FSD2: variants seen among roughly 807,000 people sequenced by gnomAD.
FSD2 encodes fibronectin type III and SPRY domain containing 2.
In FSD2, 71 loss-of-function variants were observed where a neutral mutation model predicts 80.4. The observed-to-expected ratio is 0.88, with a 90% CI of 0.73 to 1.08. The LOEUF is 1.08. Ranked by LOEUF, FSD2 falls within the 50% of genes least tolerant of loss-of-function variation. FSD2 has a pLI of 0.00. For missense variants in FSD2, 923 were observed against 913.8 expected, an observed-to-expected ratio of 1.01 and a Z score of -0.13; for synonymous variants, 361 against 329.5, an observed-to-expected ratio of 1.10 and a Z score of -1.03.
At chr15:82,786,478 T>G in intron 3 of FSD2, 33 bp downstream of exon 3, 5 of 1,477,714 alleles carry the variant, frequency 3.4e-6, no homozygotes, top group Non-Finnish European at 4.7e-6. Flanking sequence ...GGAAGAAATG[T>G]GAGTCTGATG....
Position 82,757,379 on chromosome 15 carries a change from G to GTC in FSD2, c.*1967_*1968dup, listed in dbSNP as rs2049197658. The GTC allele has an allele frequency of 7.7e-6, 1 of 129,162 alleles. No homozygotes were observed. Among genetic ancestry groups the GTC allele is most frequent in the Non-Finnish European group, 1.6e-5 (1 of 63,916 alleles). The allele number at this position is 129,162 out of a possible 1,614,324, so 8.0% of individuals were successfully genotyped here. A position where few individuals can be genotyped will look rare whatever the true frequency, so the allele number is the denominator to read the frequency against. ...TTTTTTTTTTTTTTTTTGAGATGGAGTCTTGATCTGTGAGCCATCTCGGCT... is the reference window on the plus strand; with the variant it reads ...TTTTTTTTTTTTTTTTTGAGATGGAGTCTCTTGATCTGTGAGCCATCTCGGCT... On this transcript the variant is annotated 3_prime_UTR_variant, in exon 13 of 13. Transcript: ENST00000334574.
intron 1 of FSD2, among the ~76,000 whole-genome samples, chr15:82,801,925 A>T (rs2050422862): frequency 1.3e-5 from 2 of 152,182 alleles, no homozygotes; most frequent in Non-Finnish European, 2.9e-5. Flanking sequence ...GAGAAGGATG[A>T]GTGGAGGTAG....
In FSD2 at chr15:82,755,978, A is replaced by G. The variant is rs761900571; in HGVS notation, c.*3370T>C. On this transcript the variant is annotated 3_prime_UTR_variant, in exon 13 of 13. Transcript: ENST00000334574. ...TAAGAAAATAGAGTCCTTGAAATCAAGCTGACTCTGCTTTTAGCCTCCTAA... is the reference window on the plus strand; with the variant it reads ...TAAGAAAATAGAGTCCTTGAAATCAGGCTGACTCTGCTTTTAGCCTCCTAA... The G allele has an allele frequency of 1.9e-6, 1 of 517,430 alleles. No homozygotes were observed. Among genetic ancestry groups the G allele is most frequent in the Admixed American group, 1.9e-5 (1 of 51,526 alleles). The allele number at this position is 517,430 out of a possible 1,614,324, so 32.1% of individuals were successfully genotyped here.
chr15:82,789,183 C>T (rs536729921), intron 1 of FSD2, among the ~76,000 whole-genome samples: 134 of 151,938 alleles, frequency 8.8e-4, no homozygotes, highest in African/African-American at 2.5e-3. Context: ...TAAGTAAACT[C>T]GGGGATGTAC....
intron 9 of FSD2, among the ~76,000 whole-genome samples, chr15:82,767,778 C>T (rs1446450879): frequency 1.3e-5 from 2 of 152,178 alleles, no homozygotes; most frequent in Non-Finnish European, 2.9e-5. Context: ...ACAGATTCCA[C>T]CTGGAACAGA....
intron 9 of FSD2, among the ~76,000 whole-genome samples, chr15:82,766,571 G>A (rs1302584157): frequency 2.0e-5 from 3 of 151,936 alleles, no homozygotes; most frequent in Non-Finnish European, 4.4e-5. Context: ...GTGAAACCCC[G>A]TCTCTACTAA....
intron 1 of FSD2, among the ~76,000 whole-genome samples, chr15:82,804,320 G>C (rs1235983995): frequency 6.6e-6 from 1 of 152,134 alleles, no homozygotes; most frequent in Non-Finnish European, 1.5e-5. Context: ...GTCCCTTGGA[G>C]AGCATCTAAT....
At chr15:82,766,748 A>G (rs1027337482) in intron 9 of FSD2, among the ~76,000 whole-genome samples, 14 of 152,194 alleles carry the variant, frequency 9.2e-5, no homozygotes, top group Non-Finnish European at 2.1e-4. Context: ...CAAAAAAAAA[A>G]AAAAAAAGGT....
At chr15:82,775,872 T>G (rs566118413) in intron 6 of FSD2, among the ~76,000 whole-genome samples, 1 of 152,348 alleles carries the variant, frequency 6.6e-6, no homozygotes, top group African/African-American at 2.4e-5. Context: ...AAAATTCCCT[T>G]TTGATTTCTT....
At chr15:82,795,374 G>A (rs897239230) in intron 1 of FSD2, among the ~76,000 whole-genome samples, 2 of 151,620 alleles carry the variant, frequency 1.3e-5, no homozygotes, top group African/African-American at 2.4e-5. Flanking sequence ...AATATAACAC[G>A]CCCCCAAAGA....
chr15:82,799,788 T>C (rs1175070082), intron 1 of FSD2, among the ~76,000 whole-genome samples: 2 of 152,156 alleles, frequency 1.3e-5, no homozygotes, highest in East Asian at 1.9e-4. Flanking sequence ...TGGTTAAACG[T>C]AGAGTCAGAA....
intron 3 of FSD2, among the ~76,000 whole-genome samples, chr15:82,784,542 C>T (rs1265187471): frequency 2.6e-5 from 4 of 152,168 alleles, no homozygotes; most frequent in East Asian, 1.9e-4. Context: ...CCACTGTGCC[C>T]GGCCAATGTA....
Position 82,786,701 on chromosome 15 carries a change from G to A in FSD2, c.639+51C>T. On this transcript the variant is annotated intron_variant, in intron 2 of 12. Transcript: ENST00000334574. ...AGATTTATTCCCTGCGTATGTACTT[G>A]AGATACCAAAGCAATATCAAGACAG... 10 of 1,608,096 alleles carry A rather than the reference G, an allele frequency of 6.2e-6. No homozygotes were observed. In the South Asian group the frequency reaches 1.1e-4, roughly 18 times the overall value.
chr15:82,767,861 C>A (rs2151492707), intron 9 of FSD2, among the ~76,000 whole-genome samples: 1 of 152,330 alleles, frequency 6.6e-6, no homozygotes, highest in Non-Finnish European at 1.5e-5. Flanking sequence ...TAACAATTGA[C>A]ACCAACACCT....
At chr15:82,793,899 C>A (rs1011258283) in intron 1 of FSD2, among the ~76,000 whole-genome samples, 4 of 151,918 alleles carry the variant, frequency 2.6e-5, no homozygotes, top group African/African-American at 9.7e-5. Context: ...CTTGGTCAAA[C>A]CTCTGACTAG....
At chr15:82,785,713 G>A (rs1260617683) in intron 3 of FSD2, among the ~76,000 whole-genome samples, 2 of 151,802 alleles carry the variant, frequency 1.3e-5, no homozygotes, top group Admixed American at 6.6e-5. Context: ...TTGCCTCTTA[G>A]AACAACAAAA....
At chr15:82,786,486 A>G (rs748231055) in intron 3 of FSD2, 25 bp downstream of exon 3, 6 of 1,539,670 alleles carry the variant, frequency 3.9e-6, no homozygotes, top group Non-Finnish European at 5.4e-6. Context: ...TGTGAGTCTG[A>G]TGAGGTCTTC....
intron 6 of FSD2, among the ~76,000 whole-genome samples, 179 bp from the exon 7 acceptor site, chr15:82,772,407 C>G (rs187354266): frequency 6.6e-6 from 1 of 152,188 alleles, no homozygotes; most frequent in African/African-American, 2.4e-5. Flanking sequence ...CTGCAAAATA[C>G]AACCAGTATA....
Position 82,765,895 on chromosome 15 carries a change from G to C in FSD2, c.1687+3C>G. The C allele has an allele frequency of 1.2e-6, 2 of 1,607,206 alleles. No homozygotes were observed. Among genetic ancestry groups the C allele is most frequent in the Non-Finnish European group, 1.7e-6 (2 of 1,176,726 alleles). The stretch of plus-strand genomic sequence containing the variant: ...CAGAGACTTTGTGGGCTGGGGCACA[G>C]ACCTATGGTGTGGACTGTAGCTGGC... On this transcript the variant is annotated splice_donor_region_variant and intron_variant, in intron 10 of 12. Coordinates refer to ENST00000334574, the MANE Select transcript of FSD2 (RefSeq NM_001007122.4).
Sources: allele counts gnomAD v4.1 joint callset (sites outside exome capture counted in the v4.1 genomes callset), GRCh38; gene constraint gnomAD v4.1.1; transcripts MANE v1.5; gene names NCBI Gene and HGNC (gene_info 2026-07-23, HGNC 2026-07-21).